COL24A1: variants seen among roughly 807,000 people sequenced by gnomAD.
The protein encoded by COL24A1 is collagen type XXIV alpha 1 chain.
Under a neutral mutation model 253.9 loss-of-function variants are expected in COL24A1, and 224 were observed. The observed-to-expected ratio is 0.88, with a 90% CI of 0.79 to 0.99. The LOEUF (loss-of-function observed/expected upper bound fraction) is 0.99. Ranked by LOEUF, COL24A1 falls within the 50% of genes least tolerant of loss-of-function variation. The probability of loss-of-function intolerance (pLI) is 0.00; values close to 1 mark genes in which losing one functional copy is unlikely to be tolerated. For synonymous variants in COL24A1, 685 were observed against 673.7 expected (o/e 1.02, Z -0.26); for missense variants, 2,131 against 2,068.5 (o/e 1.03, Z -0.59).
chr1:86,105,415 C>G (rs1254789457), intron 5 of COL24A1, among the ~76,000 whole-genome samples: 1 of 152,178 alleles, frequency 6.6e-6, no homozygotes, highest in Non-Finnish European at 1.5e-5. Context: ...TGGTCAGGCA[C>G]AGTCCAACAG....
intron 19 of COL24A1, among the ~76,000 whole-genome samples, chr1:85,993,096 C>G (rs1016529827): frequency 2.6e-5 from 4 of 151,840 alleles, no homozygotes; most frequent in Non-Finnish European, 4.4e-5. Context: ...AAAGCAAAAC[C>G]TGGGAACCGA....
chr1:85,906,993 A>G (rs1359737558), intron 28 of COL24A1, among the ~76,000 whole-genome samples: 1 of 151,906 alleles, frequency 6.6e-6, no homozygotes, highest in African/African-American at 2.4e-5. Flanking sequence ...AAATGGAAAA[A>G]TGTGATTTTA....
chr1:86,135,467 T>G (rs1293114171), intron 2 of COL24A1, among the ~76,000 whole-genome samples: 3 of 151,966 alleles, frequency 2.0e-5, no homozygotes, highest in Non-Finnish European at 4.4e-5. Flanking sequence ...GTATATTGAA[T>G]CATTGTTGTC....
Position 85,966,027 on chromosome 1 carries a change from T to C in COL24A1, c.2464-965A>G, listed in dbSNP as rs150170698. ...TAAGTTTTAACAGGATCACTTTGAT[T>C]CCAGGGTAGAAGAAGAGAGTCCAAA... On this transcript the variant is annotated intron_variant, in intron 22 of 59. Coordinates refer to ENST00000370571, the MANE Select transcript of COL24A1 (RefSeq NM_152890.7). Among the ~76,000 whole-genome samples, 451 of 152,188 alleles carry C rather than the reference T, an allele frequency of 3.0e-3. 1 individual carries two copies. The highest frequency in any genetic ancestry group is 8.9e-3 in the South Asian group (43 of 4,820).
intron 37 of COL24A1, among the ~76,000 whole-genome samples, chr1:85,858,889 C>T (rs1386825414): frequency 6.6e-6 from 1 of 151,960 alleles, no homozygotes; most frequent in African/African-American, 2.4e-5. Context: ...GTGTAAGCCA[C>T]CACACCCAGC....
At position 85,917,154 on chromosome 1, in the gene COL24A1, T is replaced by G. The variant is rs1419968329; in HGVS notation, c.2563-5721A>C. ...ATGGATAAACATTTTAGGAATATAA[T>G]GTTGACTGAGAAAACAGCATAAATC... On this transcript the variant is annotated intron_variant, in intron 24 of 59. Transcript: ENST00000370571. Among the ~76,000 whole-genome samples, 6 of 152,314 alleles carry G rather than the reference T, an allele frequency of 3.9e-5. No homozygotes were observed. In the South Asian group the frequency reaches 8.3e-4, roughly 21 times the overall value.
At chr1:85,868,859 G>T in intron 35 of COL24A1, 24 bp from the exon 36 acceptor site, 1 of 1,539,786 alleles carries the variant, frequency 6.5e-7, no homozygotes, top group Non-Finnish European at 8.8e-7. Context: ...GAAAGAGTAT[G>T]ATTGAGTTTT....
chr1:85,863,532 A>C (rs943864728), intron 37 of COL24A1, among the ~76,000 whole-genome samples: 3 of 152,208 alleles, frequency 2.0e-5, no homozygotes, highest in African/African-American at 7.2e-5. Flanking sequence ...AATAGCAACA[A>C]AAGCCAAAAT....
At chr1:85,824,229 T>C (rs1414618962) in intron 43 of COL24A1, among the ~76,000 whole-genome samples, 1 of 152,074 alleles carries the variant, frequency 6.6e-6, no homozygotes, top group Admixed American at 6.6e-5. Context: ...GATGCGGTCA[T>C]AGGAATGCTG....
At chr1:86,080,295 C>T (rs773276467) in intron 7 of COL24A1, among the ~76,000 whole-genome samples, 2 of 151,796 alleles carry the variant, frequency 1.3e-5, no homozygotes, top group Non-Finnish European at 2.9e-5. Context: ...GGAGATCAGG[C>T]GGAGGTAGGG....
intron 24 of COL24A1, among the ~76,000 whole-genome samples, chr1:85,921,059 C>G (rs999085564): frequency 1.3e-5 from 2 of 152,168 alleles, no homozygotes; most frequent in African/African-American, 2.4e-5. Context: ...ACTGAGGTAC[C>G]TGGCTCATCT....
intron 43 of COL24A1, 120 bp downstream of exon 43, chr1:85,838,465 C>T: frequency 2.4e-6 from 2 of 839,532 alleles, no homozygotes; most frequent in Non-Finnish European, 3.9e-6. Context: ...AAAGACGTCT[C>T]TTCTAGGATT....
chr1:85,766,368 C>CAAAAAAAAAAAAAAA (rs1319642983), intron 53 of COL24A1, among the ~76,000 whole-genome samples: 5 of 66,286 alleles, frequency 7.5e-5, no homozygotes, highest in Admixed American at 2.2e-4. Flanking sequence ...GACTCTGTCT[C>CAAAAAAAAAAAAAAA]AAAAAAAAAA....
chr1:86,058,963 T>C (rs1484359006), intron 9 of COL24A1, among the ~76,000 whole-genome samples, 158 bp downstream of exon 9: 1 of 152,166 alleles, frequency 6.6e-6, no homozygotes, highest in Non-Finnish European at 1.5e-5. Context: ...GAAGAAAAAT[T>C]GTAATGGATT....
At chr1:86,090,815 A>G (rs1005434893) in intron 6 of COL24A1, among the ~76,000 whole-genome samples, 2 of 152,132 alleles carry the variant, frequency 1.3e-5, no homozygotes, top group Non-Finnish European at 2.9e-5. Flanking sequence ...TTATAGTTTT[A>G]ACCACAGTTA....
chr1:85,851,150 T>A (rs1245909338), intron 37 of COL24A1, among the ~76,000 whole-genome samples: 2 of 152,008 alleles, frequency 1.3e-5, no homozygotes, highest in African/African-American at 4.8e-5. Context: ...TTCTTAATAA[T>A]TTTACTCCAT....
intron 19 of COL24A1, among the ~76,000 whole-genome samples, chr1:85,997,369 A>G (rs1333252748): frequency 1.3e-5 from 2 of 152,076 alleles, no homozygotes; most frequent in East Asian, 3.9e-4. Context: ...TTGGGGAAAC[A>G]TTATTCCCCA....
At chr1:86,118,783 C>T (rs1272720381) in intron 3 of COL24A1, among the ~76,000 whole-genome samples, 1 of 151,554 alleles carries the variant, frequency 6.6e-6, no homozygotes, top group African/African-American at 2.4e-5. Flanking sequence ...TTAATGGGAG[C>T]TAGAAAAAAG....
intron 20 of COL24A1, among the ~76,000 whole-genome samples, chr1:85,976,929 C>A (rs745567514): frequency 5.3e-5 from 8 of 152,324 alleles, no homozygotes; most frequent in Admixed American, 5.2e-4. Flanking sequence ...AAAGCCAGCA[C>A]GTGAAACGTA....
Sources: allele counts gnomAD v4.1 joint callset (sites outside exome capture counted in the v4.1 genomes callset), GRCh38; gene constraint gnomAD v4.1.1; transcripts MANE v1.5; gene names NCBI Gene and HGNC (gene_info 2026-07-23, HGNC 2026-07-21).